Variants in PCDH11X observed in about 807,000 individuals in gnomAD.
PCDH11X encodes the protein protocadherin-11 X-linked.
In PCDH11X, 18 loss-of-function variants were observed where a neutral mutation model predicts 53.3. The observed-to-expected ratio is 0.34, with a 90% CI of 0.23 to 0.50. The LOEUF is 0.50. PCDH11X is among the 20% of genes least tolerant of loss of function. The pLI, the probability that PCDH11X is intolerant of heterozygous loss-of-function variation, is 0.98. For missense variants in PCDH11X, 570 were observed against 1,032.4 expected, an observed-to-expected ratio of 0.55 and a Z score of 6.14; for synonymous variants, 279 against 393.3, an observed-to-expected ratio of 0.71 and a Z score of 3.44.
chrX:91,891,686 A>G (rs1940478960), intron 6 of PCDH11X, among the ~76,000 whole-genome samples: 1 of 105,131 alleles, frequency 9.5e-6, no homozygotes, highest in African/African-American at 3.5e-5. Context: ...CAGACAAGAT[A>G]AATTAAATAT....
At chrX:92,321,182 A>G (rs1168536292) in intron 8 of PCDH11X, among the ~76,000 whole-genome samples, 1 of 96,324 alleles carries the variant, frequency 1.0e-5, no homozygotes, top group African/African-American at 4.0e-5. Context: ...GCTGAACTGT[A>G]AGTTTTTTTT....
At chrX:91,797,360 TC>T (rs1935771787) in intron 1 of PCDH11X, among the ~76,000 whole-genome samples, 1 of 102,894 alleles carries the variant, frequency 9.7e-6, no homozygotes, top group Admixed American at 1.1e-4. Flanking sequence ...TTGTGATCTT[TC>T]TCATCAAAGA....
rs1013306943 is a variant in PCDH11X, at chrX:92,223,106, C to T, written c.3114+21651C>T. On this transcript the variant is annotated intron_variant, in intron 7 of 10. Transcript: ENST00000682573. ...GCTCAAGTGATCCTGCCAACTCAGC[C>T]TCTGTAGTTGCTGGGATTACAGGCG... 7.1e-5 allele frequency among the ~76,000 whole-genome samples: 8 copies of T among 112,465 alleles called. No homozygotes were observed. In the East Asian group the frequency reaches 2.2e-3, roughly 31 times the overall value.
At chrX:92,237,767 G>C (rs2067197537) in intron 7 of PCDH11X, among the ~76,000 whole-genome samples, 1 of 110,959 alleles carries the variant, frequency 9.0e-6, no homozygotes, top group South Asian at 3.7e-4. Flanking sequence ...GTTTCCCTTG[G>C]TTTCTGCACC....
chrX:92,153,933 A>G (rs906167503), intron 6 of PCDH11X, among the ~76,000 whole-genome samples: 2 of 111,553 alleles, frequency 1.8e-5, no homozygotes, highest in Admixed American at 1.9e-4. Flanking sequence ...GCAACAAGCA[A>G]CAACAAAAAG....
intron 6 of PCDH11X, among the ~76,000 whole-genome samples, chrX:92,196,796 G>A (rs1243254893): frequency 9.1e-6 from 1 of 110,474 alleles, no homozygotes; most frequent in Non-Finnish European, 1.9e-5. Context: ...TATTAAAGTG[G>A]TAGCTTCACT....
At chrX:92,585,561 G>A (rs1924295841) in intron 10 of PCDH11X, among the ~76,000 whole-genome samples, 1 of 108,171 alleles carries the variant, frequency 9.2e-6, no homozygotes, top group African/African-American at 3.4e-5. Context: ...TGGTAGAGAC[G>A]GGGTTTCACT....
At chrX:92,121,916 G>A (rs1392339942) in intron 6 of PCDH11X, among the ~76,000 whole-genome samples, 1 of 107,766 alleles carries the variant, frequency 9.3e-6, no homozygotes, top group East Asian at 2.9e-4. Context: ...AGTAGAGATG[G>A]GGTTTCACCA....
chrX:92,611,164 A>C (rs1301476264), intron 10 of PCDH11X, among the ~76,000 whole-genome samples: 1 of 109,328 alleles, frequency 9.1e-6, no homozygotes, highest in Non-Finnish European at 1.9e-5. Context: ...TGATAGGAAG[A>C]GTGTTGAATC....
In PCDH11X at chrX:92,277,262, T is replaced by C. The variant is rs749484973; in HGVS notation, c.3144+14119T>C. ...ACTGATGTGTAAAAGAATGCCTGGA[T>C]GTCAGGCACCTCAGACCATTTGCCT... On this transcript the variant is annotated intron_variant, in intron 8 of 10. Transcript: ENST00000682573. Among the ~76,000 whole-genome samples, 495 of 110,954 alleles carry C rather than the reference T, an allele frequency of 4.5e-3. 4 individuals are homozygous for C. The highest frequency in any genetic ancestry group is 0.015 in the African/African-American group (464 of 30,497).
At position 92,191,528 on chromosome X, in the gene PCDH11X, C is replaced by T. The variant is rs139738759; in HGVS notation, c.3034-9847C>T. ...AAAATGCATATTCTGCAGGTTCTTACAAAAAGAAATTAAATTTACCAATGG... is the reference window on the plus strand; with the variant it reads ...AAAATGCATATTCTGCAGGTTCTTATAAAAAGAAATTAAATTTACCAATGG... On this transcript the variant is annotated intron_variant, in intron 6 of 10. Transcript: ENST00000682573. Among the ~76,000 whole-genome samples, 499 of 111,620 alleles carry T rather than the reference C, an allele frequency of 4.5e-3. 6 individuals carry two copies. The highest frequency in any genetic ancestry group is 0.015 in the African/African-American group (470 of 30,789).
At chrX:92,011,117 G>A (rs2062683254) in intron 6 of PCDH11X, among the ~76,000 whole-genome samples, 1 of 111,459 alleles carries the variant, frequency 9.0e-6, no homozygotes. Flanking sequence ...TCTTTATTCA[G>A]TCCACAGCCA....
intron 6 of PCDH11X, among the ~76,000 whole-genome samples, chrX:91,969,834 A>G (rs749916990): frequency 2.7e-5 from 3 of 109,158 alleles, no homozygotes; most frequent in South Asian, 4.0e-4. Flanking sequence ...AAGCAAAAGC[A>G]AAGGGGATCA....
intron 5 of PCDH11X, among the ~76,000 whole-genome samples, chrX:91,875,573 G>A (rs1187299577): frequency 9.1e-6 from 1 of 110,273 alleles, no homozygotes; most frequent in Non-Finnish European, 1.9e-5. Flanking sequence ...TTACAGGCGT[G>A]AGCCACCGCT....
chrX:91,884,694 CTATT>C (rs199949252), intron 6 of PCDH11X, among the ~76,000 whole-genome samples: 12,444 of 111,047 alleles, frequency 0.11, 1,715 homozygotes, highest in African/African-American at 0.39. Flanking sequence ...TATTCTTAAA[CTATT>C]TATGACTTAC....
chrX:92,354,591 G>A (rs1288733035), intron 8 of PCDH11X, among the ~76,000 whole-genome samples: 1 of 111,407 alleles, frequency 9.0e-6, no homozygotes, highest in Non-Finnish European at 1.9e-5. Context: ...TGGAGCTTAG[G>A]TCTCTTGATT....
chrX:92,499,050 TTTTA>T (rs2073911106), intron 10 of PCDH11X, among the ~76,000 whole-genome samples: 1 of 95,966 alleles, frequency 1.0e-5, no homozygotes, highest in African/African-American at 3.6e-5. Context: ...CCGCAGACAG[TTTTA>T]TTTGTTTACC....
intron 9 of PCDH11X, among the ~76,000 whole-genome samples, chrX:92,440,190 A>G (rs1053557935): frequency 1.9e-5 from 2 of 107,532 alleles, no homozygotes; most frequent in African/African-American, 6.7e-5. Context: ...TTTTAGATTC[A>G]GGGAGTACAT....
At chrX:92,205,597 GTTTTTT>G (rs5902997) in intron 7 of PCDH11X, among the ~76,000 whole-genome samples, 4 of 68,443 alleles carry the variant, frequency 5.8e-5, no homozygotes, top group Non-Finnish European at 1.1e-4. Context: ...CTAAATCAAT[GTTTTTT>G]TTTTTTTTTT....
Sources: gnomAD v4.1 joint callset for allele counts (sites outside exome capture counted in the v4.1 genomes callset) on GRCh38, gnomAD v4.1.1 for gene constraint, MANE v1.5 for transcripts, NCBI Gene and HGNC (gene_info 2026-07-23, HGNC 2026-07-21) for gene names.